Variants in ELOVL6 observed in about 807,000 individuals in gnomAD.
ELOVL6 encodes the protein ELOVL fatty acid elongase 6, also known as very long chain fatty acid elongase 6.
A neutral mutation model predicts 31.7 loss-of-function variants in ELOVL6; 8 were observed. That is an observed-to-expected ratio of 0.25 (90% confidence interval 0.15 to 0.45). The LOEUF is 0.45. Ranked by LOEUF, ELOVL6 falls within the 20% of genes least tolerant of loss-of-function variation. ELOVL6 has a pLI of 1.00. For synonymous variants in ELOVL6, 101 were observed against 117.7 expected (o/e 0.86, Z 0.92); for missense variants, 126 against 326.4 (o/e 0.39, Z 4.73).
At position 110,045,995 on chromosome 4, in the gene ELOVL6, C is replaced by T. The variant is rs1276345887; in HGVS notation, c.*5343G>A. 6.6e-6 allele frequency: 1 copy of T among 152,054 alleles called. No homozygotes were observed. Among genetic ancestry groups the T allele is most frequent in the Non-Finnish European group, 1.5e-5 (1 of 68,040 alleles). The allele number at this position is 152,054 out of a possible 1,614,324, so 9.4% of individuals were successfully genotyped here. A position where few individuals can be genotyped will look rare whatever the true frequency, so the allele number is the denominator to read the frequency against. On this transcript the variant is annotated 3_prime_UTR_variant, in exon 4 of 4. Transcript: ENST00000302274. ...TGTGAGGCTTATATGGGTGGGCTTC[C>T]ATATGAATATGGGCTCTGAGGTCCC...
At chr4:110,084,381 A>G (rs1313136000) in intron 2 of ELOVL6, among the ~76,000 whole-genome samples, 2 of 125,362 alleles carry the variant, frequency 1.6e-5, no homozygotes, top group Admixed American at 8.9e-5. Context: ...TATATGATAT[A>G]TATCGCATAT....
At chr4:110,084,135 A>ATATAAAATATATG (rs1553955997) in intron 2 of ELOVL6, among the ~76,000 whole-genome samples, 1 of 35,296 alleles carries the variant, frequency 2.8e-5, no homozygotes, top group Non-Finnish European at 4.1e-5. Flanking sequence ...ATATGTGATA[A>ATATAAAATATATG]TGATATATAT....
intron 2 of ELOVL6, among the ~76,000 whole-genome samples, chr4:110,097,553 T>A (rs1756619846): frequency 6.6e-6 from 1 of 152,168 alleles, no homozygotes; most frequent in South Asian, 2.1e-4. Flanking sequence ...GTGTGGGTGC[T>A]TCACTTTTCT....
intron 2 of ELOVL6, among the ~76,000 whole-genome samples, chr4:110,086,927 G>T (rs1756283599): frequency 6.6e-6 from 1 of 152,084 alleles, no homozygotes; most frequent in African/African-American, 2.4e-5. Context: ...TCTTATCCTT[G>T]AATGTGACCG....
rs1434279343 is a variant in ELOVL6, at chr4:110,045,993, T to TCCATATGAATATGGGCTC, written c.*5327_*5344dup. 1.5e-4 allele frequency: 23 copies of TCCATATGAATATGGGCTC among 152,322 alleles called. No individual in the cohort carries two copies. The highest frequency in any genetic ancestry group is 4.1e-4 in the South Asian group (2 of 4,826). The allele number at this position is 152,322 out of a possible 1,614,324, so 9.4% of individuals were successfully genotyped here. A position where few individuals can be genotyped will look rare whatever the true frequency, so the allele number is the denominator to read the frequency against. ...TCTGTGAGGCTTATATGGGTGGGCT[T>TCCATATGAATATGGGCTC]CCATATGAATATGGGCTCTGAGGTC... is the stretch of plus-strand genomic sequence containing the variant. On this transcript the variant is annotated 3_prime_UTR_variant, in exon 4 of 4. Coordinates refer to ENST00000302274, the MANE Select transcript of ELOVL6 (RefSeq NM_024090.3).
chr4:110,082,685 G>A (rs1217325629), intron 2 of ELOVL6, among the ~76,000 whole-genome samples: 1 of 152,046 alleles, frequency 6.6e-6, no homozygotes, highest in Non-Finnish European at 1.5e-5. Flanking sequence ...CATGGCACAT[G>A]TATACATATG....
intron 1 of ELOVL6, among the ~76,000 whole-genome samples, chr4:110,178,755 G>A (rs1285908169): frequency 6.6e-6 from 1 of 152,108 alleles, no homozygotes; most frequent in African/African-American, 2.4e-5. Flanking sequence ...TTGGGAGCCT[G>A]AGGCTGGAGA....
rs1484323802 is a variant in ELOVL6, at chr4:110,156,522, C to CA, written c.89+41724dup. ...GGAACCTAGAGAGACCCCGTCTCCACAAAAAATTAAAAAATTAGCCAGGCA... is the reference window on the plus strand; with the variant it reads ...GGAACCTAGAGAGACCCCGTCTCCACAAAAAAATTAAAAAATTAGCCAGGCA... On this transcript the variant is annotated intron_variant, in intron 1 of 3. Transcript: ENST00000302274. 5.9e-5 allele frequency among the ~76,000 whole-genome samples: 9 copies of CA among 151,970 alleles called. No homozygotes were observed. The Middle Eastern group carries it at 0.01, about 173-fold the overall frequency.
At chr4:110,114,096 A>G (rs976963267) in intron 1 of ELOVL6, among the ~76,000 whole-genome samples, 2 of 152,186 alleles carry the variant, frequency 1.3e-5, no homozygotes, top group Non-Finnish European at 2.9e-5. Flanking sequence ...TGAAAACGAA[A>G]AAAAGTGTAA....
chr4:110,123,984 A>G (rs899934572), intron 1 of ELOVL6, among the ~76,000 whole-genome samples: 6 of 152,220 alleles, frequency 3.9e-5, no homozygotes, highest in African/African-American at 1.2e-4. Flanking sequence ...AAAGGTAACT[A>G]TAAATCTTAG....
Position 110,066,970 on chromosome 4 carries a change from A to G in ELOVL6, c.222-7216T>C, listed in dbSNP as rs1368843258. Reference sequence around the variant, plus strand: ...GTGTGATGTTTCCCTCCCTGCGTCCATGTGTTCTCATTGAGAACAGGCATC... The same window carrying G: ...GTGTGATGTTTCCCTCCCTGCGTCCGTGTGTTCTCATTGAGAACAGGCATC... On this transcript the variant is annotated intron_variant, in intron 2 of 3. Coordinates refer to ENST00000302274, the MANE Select transcript of ELOVL6 (RefSeq NM_024090.3). 2.7e-5 allele frequency among the ~76,000 whole-genome samples: 4 copies of G among 146,830 alleles called. No homozygotes were observed. The East Asian group carries it at 8.1e-4, about 30-fold the overall frequency.
chr4:110,084,102 G>GATATATATGATATATACATGTTATATATC (rs1560813967), intron 2 of ELOVL6, among the ~76,000 whole-genome samples: 1 of 76,610 alleles, frequency 1.3e-5, no homozygotes, highest in African/African-American at 7.4e-5. Context: ...ACATATATAT[G>GATATATATGATATATACATGTTATATATC]ATATATATGA....
chr4:110,075,510 A>G (rs1339606344), intron 2 of ELOVL6, among the ~76,000 whole-genome samples: 1 of 152,228 alleles, frequency 6.6e-6, no homozygotes, highest in Non-Finnish European at 1.5e-5. Flanking sequence ...TAAGCCAGTC[A>G]CAAAAAGACA....
chr4:110,111,956 T>G (rs1417072366), intron 1 of ELOVL6, among the ~76,000 whole-genome samples: 2 of 152,250 alleles, frequency 1.3e-5, no homozygotes, highest in Non-Finnish European at 2.9e-5. Context: ...TTACTACTAA[T>G]TAAAGTACAG....
intron 1 of ELOVL6, among the ~76,000 whole-genome samples, chr4:110,134,777 T>C (rs749708244): frequency 6.6e-6 from 1 of 152,046 alleles, no homozygotes; most frequent in Non-Finnish European, 1.5e-5. Context: ...CTGGACAACA[T>C]TGCAAGACCT....
chr4:110,131,854 A>T (rs1454272610), intron 1 of ELOVL6, among the ~76,000 whole-genome samples: 4 of 152,106 alleles, frequency 2.6e-5, no homozygotes, highest in African/African-American at 9.7e-5. Flanking sequence ...TCTATAATGC[A>T]CTCTAAATAT....
At chr4:110,181,439 A>G (rs1316727243) in intron 1 of ELOVL6, among the ~76,000 whole-genome samples, 2 of 152,078 alleles carry the variant, frequency 1.3e-5, no homozygotes, top group Non-Finnish European at 2.9e-5. Flanking sequence ...CTAGAGTGAG[A>G]CCCTGTCTAA....
At chr4:110,059,370 C>A (rs553618316) in intron 3 of ELOVL6, among the ~76,000 whole-genome samples, 8 of 152,268 alleles carry the variant, frequency 5.3e-5, no homozygotes, top group African/African-American at 1.9e-4. Context: ...GCTCGAAAAT[C>A]AGCATGTTCA....
intron 2 of ELOVL6, among the ~76,000 whole-genome samples, chr4:110,068,950 TTGGCTAACA>T (rs1398426761): frequency 6.6e-6 from 1 of 152,066 alleles, no homozygotes; most frequent in African/African-American, 2.4e-5. Context: ...TGAGACTGGC[TTGGCTAACA>T]TGGCGAAACC....
Sources: gnomAD v4.1 joint callset for allele counts (sites outside exome capture counted in the v4.1 genomes callset) on GRCh38, gnomAD v4.1.1 for gene constraint, MANE v1.5 for transcripts, NCBI Gene and HGNC (gene_info 2026-07-23, HGNC 2026-07-21) for gene names.